The following TESPA1 variants were observed in gnomAD, a reference collection of about 807,000 sequenced individuals.
TESPA1 encodes the protein thymocyte expressed, positive selection associated 1, also known as protein TESPA1.
In TESPA1, 33 loss-of-function variants were observed where a neutral mutation model predicts 57.9. That is an observed-to-expected ratio of 0.57 (90% CI 0.43 to 0.76). The LOEUF (loss-of-function observed/expected upper bound fraction) is 0.76. TESPA1 is among the 30% of genes least tolerant of loss of function. The pLI, the probability that TESPA1 is intolerant of heterozygous loss-of-function variation, is 0.00. For missense variants in TESPA1, 618 were observed against 632.9 expected, an observed-to-expected ratio of 0.98 and a Z score of 0.25; for synonymous variants, 227 against 228.9, an observed-to-expected ratio of 0.99 and a Z score of 0.07.
intron 3 of TESPA1, among the ~76,000 whole-genome samples, chr12:54,970,864 A>G (rs959893681): frequency 3.9e-5 from 6 of 152,236 alleles, no homozygotes; most frequent in African/African-American, 1.4e-4. Context: ...AGATGTTTCC[A>G]TAGCTACCTG....
chr12:54,967,868 C>T lies in TESPA1; in HGVS notation c.231G>A (p.Glu77=). ...DCGYSEEGFS[E]EAGQFIYNGF... is the part of the protein sequence containing the mutation. ...CATTGTAGATAAACTGTCCTGCTTC[C>T]TCAGAAAATCCTTCTTCAGAGTATC... is the stretch of plus-strand genomic sequence containing the variant. Residue 77 remains glutamate (E), a synonymous_variant, in exon 4 of 11, where the codon GAG becomes GAA. Transcript: ENST00000449076. The T allele has an allele frequency of 6.2e-7, 1 of 1,613,698 alleles. No homozygotes were observed. Among genetic ancestry groups the T allele is most frequent in the African/African-American group, 1.3e-5 (1 of 75,024 alleles).
intron 7 of TESPA1, among the ~76,000 whole-genome samples, chr12:54,964,818 C>T (rs746137171): frequency 2.0e-5 from 3 of 152,190 alleles, no homozygotes; most frequent in East Asian, 1.9e-4. Flanking sequence ...GAATTGTGGG[C>T]GTAAAACTGG....
chr12:54,970,063 A>T (rs1028339318), intron 3 of TESPA1, among the ~76,000 whole-genome samples: 4 of 152,306 alleles, frequency 2.6e-5, no homozygotes, highest in African/African-American at 9.6e-5. Flanking sequence ...AGTAGCTAGG[A>T]CTAAAGGTGC....
At chr12:54,961,569 C>A (rs75984030) in intron 9 of TESPA1, among the ~76,000 whole-genome samples, 2 of 152,278 alleles carry the variant, frequency 1.3e-5, no homozygotes, top group East Asian at 1.9e-4. Context: ...TAGACCCAGG[C>A]GAGAGGAGTT....
At chr12:54,957,998 C>T (rs941483923) in intron 10 of TESPA1, among the ~76,000 whole-genome samples, 2 of 152,116 alleles carry the variant, frequency 1.3e-5, no homozygotes, top group Admixed American at 1.3e-4. Context: ...TAATGAAGCC[C>T]CATCACTGGC....
At chr12:54,967,441 A>G (rs1330926344) in intron 4 of TESPA1, among the ~76,000 whole-genome samples, 1 of 151,620 alleles carries the variant, frequency 6.6e-6, no homozygotes, top group Non-Finnish European at 1.5e-5. Flanking sequence ...TTTGATTCAG[A>G]AACAATCATA....
In TESPA1 at chr12:54,973,481, A is replaced by G; in HGVS notation, c.202T>C (p.Cys68Arg). The G allele has an allele frequency of 6.2e-7, 1 of 1,613,974 alleles. No individual in the cohort carries two copies. The highest frequency in any genetic ancestry group is 8.5e-7 in the Non-Finnish European group (1 of 1,179,866). ...INKIEDWLQD[C>R]GYSEEGFSEE... ...CATTGCCTGTCCAGCACTTACCCGC[A>G]ATCCTGCAGCCAGTCTTCAATTTTA... The change falls in exon 3 of 11, where the codon TGC becomes CGC. Residue 68 changes from cysteine (C) to arginine (R), a missense_variant. Coordinates refer to ENST00000449076, the MANE Select transcript of TESPA1 (RefSeq NM_001136030.3).
At chr12:54,951,287 T>C (rs1214954874) in intron 10 of TESPA1, among the ~76,000 whole-genome samples, 1 of 152,208 alleles carries the variant, frequency 6.6e-6, no homozygotes, top group Non-Finnish European at 1.5e-5. Flanking sequence ...CATGTGAATA[T>C]GTGCTTGCTT....
intron 3 of TESPA1, among the ~76,000 whole-genome samples, chr12:54,971,163 G>A (rs1432315413): frequency 6.6e-6 from 1 of 152,218 alleles, no homozygotes; most frequent in Admixed American, 6.5e-5. Flanking sequence ...GCTACCAGAG[G>A]ATGTTAGGCT....
chr12:54,968,810 G>C (rs80172091), intron 3 of TESPA1, among the ~76,000 whole-genome samples: 2 of 151,984 alleles, frequency 1.3e-5, no homozygotes, highest in South Asian at 2.1e-4. Context: ...GGTCAGTAAC[G>C]TGAGTTAGCA....
chr12:54,979,570 C>T (rs7959474), intron 1 of TESPA1, among the ~76,000 whole-genome samples: 1,910 of 152,200 alleles, frequency 0.013, 44 homozygotes, highest in African/African-American at 0.044. Context: ...TGGGTTCAGC[C>T]AAGTGGAGTA....
At chr12:54,981,881 G>C (rs1952336030) in intron 1 of TESPA1, 1 of 152,194 alleles carries the variant, frequency 6.6e-6, no homozygotes, top group Non-Finnish European at 1.5e-5. Context: ...AGTGCTCTAG[G>C]GGACATGTAT....
chr12:54,982,703 C>T (rs1952364577), intron 1 of TESPA1, among the ~76,000 whole-genome samples: 1 of 152,206 alleles, frequency 6.6e-6, no homozygotes, highest in South Asian at 2.1e-4. Context: ...ATGGCTTCAT[C>T]AAGAGAAAGT....
chr12:54,962,297 A>G (rs1386395824), intron 9 of TESPA1, 134 bp downstream of exon 9: 3 of 1,084,896 alleles, frequency 2.8e-6, no homozygotes, highest in Non-Finnish European at 4.0e-6. Context: ...CTGAATTGAA[A>G]TCAGAAAGTG....
intron 1 of TESPA1, chr12:54,981,666 T>C (rs1198942287): frequency 1.3e-5 from 2 of 151,554 alleles, no homozygotes; most frequent in African/African-American, 4.9e-5. Flanking sequence ...TTGAGGAAAC[T>C]GAAGAGAGAG....
At chr12:54,979,677 A>G (rs914654998) in intron 1 of TESPA1, among the ~76,000 whole-genome samples, 1 of 152,230 alleles carries the variant, frequency 6.6e-6, no homozygotes, top group African/African-American at 2.4e-5. Context: ...CACTGGTTTA[A>G]GATGAGGGAG....
At position 54,979,710 on chromosome 12, in the gene TESPA1, C is replaced by T. The variant is rs552299833; in HGVS notation, c.-46+4875G>A. Among the ~76,000 whole-genome samples the T allele has an allele frequency of 5.9e-5, 9 of 152,306 alleles. No homozygotes were observed. In the East Asian group the frequency reaches 1.7e-3, roughly 29 times the overall value. On this transcript the variant is annotated intron_variant, in intron 1 of 10. Transcript: ENST00000449076. The stretch of plus-strand genomic sequence containing the variant: ...GAGTTAAGAGCTGTGAAATGAGTAT[C>T]TTCCAACAAAAATTATTATCAGAGG...
At chr12:54,980,156 G>C (rs773066140) in intron 1 of TESPA1, among the ~76,000 whole-genome samples, 1 of 152,076 alleles carries the variant, frequency 6.6e-6, no homozygotes, top group Non-Finnish European at 1.5e-5. Flanking sequence ...AAAAGGAGAA[G>C]TTATTTTAGT....
chr12:54,950,821 C>T (rs1201127492), intron 10 of TESPA1, among the ~76,000 whole-genome samples: 1 of 152,102 alleles, frequency 6.6e-6, no homozygotes, highest in Non-Finnish European at 1.5e-5. Flanking sequence ...TTTTACCATT[C>T]CTTTCCTGAC....
Sources: allele counts gnomAD v4.1 joint callset (sites outside exome capture counted in the v4.1 genomes callset), GRCh38; gene constraint gnomAD v4.1.1; transcripts MANE v1.5; gene names NCBI Gene and HGNC (gene_info 2026-07-23, HGNC 2026-07-21).